Variants in PHLDB2 observed in about 807,000 individuals in gnomAD.
The protein encoded by PHLDB2 is pleckstrin homology-like domain family B member 2.
A neutral mutation model predicts 123.6 loss-of-function variants in PHLDB2; 71 were observed. That is an observed-to-expected ratio of 0.57 (90% CI 0.47 to 0.70). The LOEUF is 0.70. Among genes scored for constraint, PHLDB2 ranks in the 30% least tolerant of loss-of-function variants. The pLI, the probability that PHLDB2 is intolerant of heterozygous loss-of-function variation, is 0.00. For synonymous variants in PHLDB2, 547 were observed against 541.6 expected (o/e 1.01, Z -0.14); for missense variants, 1,446 against 1,519.5 (o/e 0.95, Z 0.80).
intron 1 of PHLDB2, among the ~76,000 whole-genome samples, chr3:111,811,175 A>G (rs1406756605): frequency 1.3e-5 from 2 of 152,242 alleles, no homozygotes; most frequent in African/African-American, 2.4e-5. Context: ...AAAGCCTCCT[A>G]TAAAAATGTA....
intron 1 of PHLDB2, among the ~76,000 whole-genome samples, chr3:111,795,133 C>T (rs2061099037): frequency 6.6e-6 from 1 of 152,118 alleles, no homozygotes; most frequent in South Asian, 2.1e-4. Context: ...GTTTAAGGTG[C>T]CATAATTAAA....
chr3:111,944,771 C>T (rs531023629), intron 8 of PHLDB2, among the ~76,000 whole-genome samples: 1 of 152,262 alleles, frequency 6.6e-6, no homozygotes, highest in Middle Eastern at 3.4e-3. Context: ...ACCTCCGCCT[C>T]ATGCCATTCT....
intron 1 of PHLDB2, among the ~76,000 whole-genome samples, chr3:111,799,164 G>C (rs1377706795): frequency 6.6e-6 from 1 of 152,132 alleles, no homozygotes; most frequent in Non-Finnish European, 1.5e-5. Flanking sequence ...CTTCCCACTG[G>C]GTCCCTCCCA....
intron 13 of PHLDB2, among the ~76,000 whole-genome samples, chr3:111,963,325 C>G (rs766804223): frequency 2.0e-4 from 30 of 152,126 alleles, no homozygotes; most frequent in Non-Finnish European, 2.9e-4. Context: ...TTAACATTTT[C>G]TCAAAGGATA....
At chr3:111,740,720 C>T (rs918605213) in intron 1 of PHLDB2, among the ~76,000 whole-genome samples, 1 of 151,966 alleles carries the variant, frequency 6.6e-6, no homozygotes, top group Admixed American at 6.6e-5. Flanking sequence ...CTTGGCTTGC[C>T]CCCCCACCAA....
chr3:111,796,376 C>T (rs1449355290), intron 1 of PHLDB2, among the ~76,000 whole-genome samples: 1 of 152,308 alleles, frequency 6.6e-6, no homozygotes, highest in South Asian at 2.1e-4. Context: ...CACTTTTCTC[C>T]AGCTCCTTTG....
At chr3:111,736,153 A>C (rs906729162) in intron 1 of PHLDB2, among the ~76,000 whole-genome samples, 3 of 152,122 alleles carry the variant, frequency 2.0e-5, no homozygotes, top group African/African-American at 7.2e-5. Flanking sequence ...ATGCACACAC[A>C]CAATAGCAAT....
Position 111,884,755 on chromosome 3 carries a change from C to A in PHLDB2, c.678C>A (p.His226Gln). ...CGCTTCAACCCAAGTTAACTAGACACAAGGAGCTTGCATCTGAAAACATCA... is the reference window on the plus strand; with the variant it reads ...CGCTTCAACCCAAGTTAACTAGACAAAAGGAGCTTGCATCTGAAAACATCA... ...SLALQPKLTR[H>Q]KELASENINL... is the part of the protein sequence containing the mutation. Residue 226 changes from histidine to glutamine, a missense_variant, in exon 2 of 18, where the codon CAC (histidine) becomes CAA (glutamine). His to Gln is a conservative substitution (Grantham distance 24, BLOSUM62 0). Coordinates refer to ENST00000431670, the MANE Select transcript of PHLDB2 (RefSeq NM_001134438.2). The A allele has an allele frequency of 6.2e-7, 1 of 1,614,080 alleles. No homozygotes were observed.
At chr3:111,761,296 C>A (rs1429858253) in intron 1 of PHLDB2, among the ~76,000 whole-genome samples, 4 of 151,696 alleles carry the variant, frequency 2.6e-5, no homozygotes, top group Non-Finnish European at 5.9e-5. Flanking sequence ...TTGCTTCTGT[C>A]ATGAAGATAA....
chr3:111,818,034 A>G (rs185533726), intron 1 of PHLDB2, among the ~76,000 whole-genome samples: 2 of 152,142 alleles, frequency 1.3e-5, no homozygotes, highest in Admixed American at 1.3e-4. Context: ...ACTAATGTTC[A>G]TCTCTGAGAT....
intron 9 of PHLDB2, among the ~76,000 whole-genome samples, chr3:111,948,255 G>A (rs2070450657): frequency 6.6e-6 from 1 of 152,114 alleles, no homozygotes; most frequent in African/African-American, 2.4e-5. Flanking sequence ...CCGTGTGTGT[G>A]TGTGTGTGTG....
chr3:111,940,912 G>T (rs1222985874), intron 8 of PHLDB2, among the ~76,000 whole-genome samples: 1 of 152,122 alleles, frequency 6.6e-6, no homozygotes, highest in Non-Finnish European at 1.5e-5. Context: ...ATTTTTAAAT[G>T]ATTGTTTTCC....
At position 111,914,072 on chromosome 3, in the gene PHLDB2, C is replaced by T. The variant is rs149984706; in HGVS notation, c.1719+370C>T. On this transcript the variant is annotated intron_variant, in intron 3 of 17. Transcript: ENST00000431670. ...TCTGTTATAGGCATAGACAGACAGA[C>T]ACACACATAGTGTTCTGTACTTTTT... 1,067 of 199,174 alleles carry T rather than the reference C, an allele frequency of 5.4e-3. 3 individuals are homozygous for T. Among genetic ancestry groups the T allele is most frequent in the South Asian group, 8.0e-3 (70 of 8,780 alleles). 12.3% of individuals were successfully genotyped at this position (199,174 alleles called of 1,614,324 possible). A position where few individuals can be genotyped will look rare whatever the true frequency, so the allele number is the denominator to read the frequency against.
At chr3:111,936,131 G>T (rs1487388865) in intron 6 of PHLDB2, among the ~76,000 whole-genome samples, 4 of 152,080 alleles carry the variant, frequency 2.6e-5, no homozygotes, top group Non-Finnish European at 4.4e-5. Context: ...CCTCCATCAG[G>T]CAAAGAAAAC....
At chr3:111,854,280 A>T (rs1363036797), upstream of PHLDB2, among the ~76,000 whole-genome samples, 1 of 152,216 alleles carries the variant, frequency 6.6e-6, no homozygotes, top group Non-Finnish European at 1.5e-5. Flanking sequence ...GGGGATTATG[A>T]GAATTACAAT....
At chr3:111,958,509 A>G (rs935666604) in intron 12 of PHLDB2, among the ~76,000 whole-genome samples, 10 of 152,232 alleles carry the variant, frequency 6.6e-5, no homozygotes, top group Admixed American at 1.3e-4. Flanking sequence ...CAGAATTAAT[A>G]GAGACTGGCA....
chr3:111,947,469 TCTC>T (rs2070391993), intron 9 of PHLDB2, among the ~76,000 whole-genome samples: 1 of 152,178 alleles, frequency 6.6e-6, no homozygotes, highest in South Asian at 2.1e-4. Context: ...TTTCATTCTC[TCTC>T]CTTTTTCTTT....
chr3:111,814,938 G>A (rs1432793614), intron 1 of PHLDB2, among the ~76,000 whole-genome samples: 3 of 152,192 alleles, frequency 2.0e-5, no homozygotes, highest in Non-Finnish European at 4.4e-5. Flanking sequence ...CACGTAGTGT[G>A]GGAGGAACCT....
intron 5 of PHLDB2, among the ~76,000 whole-genome samples, chr3:111,923,604 C>G (rs1023033756): frequency 3.9e-5 from 6 of 152,166 alleles, no homozygotes; most frequent in Non-Finnish European, 7.3e-5. Flanking sequence ...ACACCCATAA[C>G]TGAACTCTTG....
Sources: allele counts gnomAD v4.1 joint callset (sites outside exome capture counted in the v4.1 genomes callset), GRCh38; gene constraint gnomAD v4.1.1; transcripts MANE v1.5; gene names NCBI Gene and HGNC (gene_info 2026-07-23, HGNC 2026-07-21).